Variants in USP50 observed in about 807,000 individuals in gnomAD.
USP50 encodes ubiquitin carboxyl-terminal hydrolase 50.
A neutral mutation model predicts 39.2 loss-of-function variants in USP50; 37 were observed. That is an observed-to-expected ratio of 0.94 (90% CI 0.73 to 1.24). The LOEUF (loss-of-function observed/expected upper bound fraction) is 1.24. Among genes scored for constraint, USP50 ranks in the 50% most tolerant of loss-of-function variants. The pLI is 0.00. For synonymous variants in USP50, 139 were observed against 144.5 expected (o/e 0.96, Z 0.27); for missense variants, 374 against 398.2 (o/e 0.94, Z 0.52).
At chr15:50,496,350 G>A (rs919539763), downstream of USP50, among the ~76,000 whole-genome samples, 1 of 151,936 alleles carries the variant, frequency 6.6e-6, no homozygotes, top group Admixed American at 6.6e-5. Flanking sequence ...GCGTGGTGGT[G>A]GGCACCTGTA....
chr15:50,525,882 TAGA>T (rs1413828850), intron 6 of USP50, among the ~76,000 whole-genome samples: 2 of 151,646 alleles, frequency 1.3e-5, no homozygotes, highest in South Asian at 2.1e-4. Context: ...AAAACAGCTA[TAGA>T]AGAATAAGTT....
chr15:50,493,407 C>T (rs1171376901), downstream of USP50: 4 of 519,074 alleles, frequency 7.7e-6, no homozygotes, highest in Non-Finnish European at 1.5e-5. Flanking sequence ...TAGTACTTAC[C>T]ACTCAGCTCC....
At chr15:50,535,735 G>C (rs991294240) in intron 5 of USP50, among the ~76,000 whole-genome samples, 16 of 152,100 alleles carry the variant, frequency 1.1e-4, no homozygotes, top group Non-Finnish European at 1.3e-4. Context: ...GCAACATAGT[G>C]AGACATCAAC....
chr15:50,516,085 G>A (rs527519317), intron 6 of USP50, among the ~76,000 whole-genome samples: 13 of 152,198 alleles, frequency 8.5e-5, no homozygotes, highest in African/African-American at 3.1e-4. Flanking sequence ...GCTTAAAATA[G>A]CCTGTAGTAA....
At chr15:50,495,097 A>G (rs779505592) in intron 1 of USP50, among the ~76,000 whole-genome samples, 1 of 151,908 alleles carries the variant, frequency 6.6e-6, no homozygotes, top group Non-Finnish European at 1.5e-5. Context: ...GTATGTATAC[A>G]TAAATGACCA....
At chr15:50,498,782 G>C, downstream of USP50, 1 of 1,561,516 alleles carries the variant, frequency 6.4e-7, no homozygotes, top group Non-Finnish European at 8.7e-7. Flanking sequence ...TTTAAAAAAA[G>C]TTTTAAGTGG....
chr15:50,519,917 C>G (rs1039215751), intron 6 of USP50, among the ~76,000 whole-genome samples: 2 of 152,090 alleles, frequency 1.3e-5, no homozygotes. Flanking sequence ...TATGATCCAG[C>G]AATCCACTAC....
At chr15:50,525,411 C>CA (rs1387935358) in intron 6 of USP50, among the ~76,000 whole-genome samples, 1 of 151,312 alleles carries the variant, frequency 6.6e-6, no homozygotes, top group Non-Finnish European at 1.5e-5. Context: ...TGCCTCACCA[C>CA]AAAAAATAAG....
intron 6 of USP50, among the ~76,000 whole-genome samples, chr15:50,521,586 T>G (rs547009913): frequency 6.6e-6 from 1 of 151,884 alleles, no homozygotes; most frequent in East Asian, 1.9e-4. Context: ...AACAACAAAA[T>G]CAATGAAACT....
rs780632867 is a variant in USP50, at chr15:50,544,679, T to A, written c.156A>T (p.Thr52=). Residue 52 remains threonine, a synonymous_variant, in exon 2 of 7, where the codon ACA becomes ACT. Coordinates refer to ENST00000532404, the MANE Select transcript of USP50 (RefSeq NM_203494.5). Reference sequence around the variant, plus strand: ...ACTGTGAGATGGCATTCACGCAGCATGTGTTGCCCAAGTTCCACAAGCCAG... The same window carrying A: ...ACTGTGAGATGGCATTCACGCAGCAAGTGTTGCCCAAGTTCCACAAGCCAG... ...GVTGLWNLGN[T]CCVNAISQCL... 3.1e-6 allele frequency: 5 copies of A among 1,613,802 alleles called. No individual in the cohort carries two copies. The highest frequency in any genetic ancestry group is 4.2e-6 in the Non-Finnish European group (5 of 1,179,882).
chr15:50,521,490 A>G (rs2052850460), intron 6 of USP50, among the ~76,000 whole-genome samples: 1 of 152,250 alleles, frequency 6.6e-6, no homozygotes, highest in Non-Finnish European at 1.5e-5. Flanking sequence ...AAGGCACTAG[A>G]GAAAGAACAG....
At chr15:50,493,068 T>C (rs751899199), downstream of USP50, 12 of 824,476 alleles carry the variant, frequency 1.5e-5, no homozygotes, top group East Asian at 2.2e-4. Flanking sequence ...AGTTCTTGAC[T>C]GGGAAGGCCA....
chr15:50,545,397 T>C (rs1454361570), intron 1 of USP50, among the ~76,000 whole-genome samples: 3 of 151,868 alleles, frequency 2.0e-5, no homozygotes. Context: ...GATGTAGTCA[T>C]TTACTCATGG....
At chr15:50,528,068 T>G (rs960839364) in intron 6 of USP50, among the ~76,000 whole-genome samples, 1 of 28,062 alleles carries the variant, frequency 3.6e-5, no homozygotes, top group Non-Finnish European at 7.9e-5. Flanking sequence ...GAACTAAGTT[T>G]TTTTTTTTTT....
Position 50,541,271 on chromosome 15 carries a change from CA to C in USP50, c.445-8del. 1 of 1,607,864 alleles carries C rather than the reference CA, an allele frequency of 6.2e-7. No individual in the cohort carries two copies. Among genetic ancestry groups the C allele is most frequent in the Non-Finnish European group, 8.5e-7 (1 of 1,175,712 alleles). On this transcript the variant is annotated splice_region_variant and splice_polypyrimidine_tract_variant and intron_variant, in intron 3 of 6. Coordinates refer to ENST00000532404, the MANE Select transcript of USP50 (RefSeq NM_203494.5). ...TTCTCCGGGAGTAGTGGTACTGAAT[CA>C]AGGAGCAAATTTCACCCAAATTAAT...
At chr15:50,506,322 A>G (rs1378168196) in intron 6 of USP50, 2 of 152,402 alleles carry the variant, frequency 1.3e-5, no homozygotes, top group South Asian at 4.1e-4. Context: ...CAGCTGCTGC[A>G]TTAGATTCTC....
At chr15:50,512,793 AAAAC>A (rs147726912) in intron 6 of USP50, 28,048 of 152,034 alleles carry the variant, frequency 0.18, 3,305 homozygotes, top group East Asian at 0.46. Flanking sequence ...CTCTGTCTCA[AAAAC>A]AAACAAAACA....
intron 3 of USP50, among the ~76,000 whole-genome samples, chr15:50,542,481 A>ATTTTTTTTTTTTTTTTTTTTTTTTTT (rs11292495): frequency 2.1e-5 from 2 of 97,396 alleles, no homozygotes; most frequent in Non-Finnish European, 3.9e-5. Flanking sequence ...TTTCCTTTTC[A>ATTTTTTTTTTTTTTTTTTTTTTTTTT]TTTTTTTTTT....
At position 50,543,698 on chromosome 15, in the gene USP50, G is replaced by T. The variant is rs758305433; in HGVS notation, c.344C>A (p.Ala115Asp). 6.2e-7 allele frequency: 1 copy of T among 1,612,690 alleles called. No homozygotes were observed. Among genetic ancestry groups the T allele is most frequent in the Non-Finnish European group, 8.5e-7 (1 of 1,179,284 alleles). ...DCVSPEIFWSALGNLYPAFTK... is the reference protein window; with the variant it reads ...DCVSPEIFWSDLGNLYPAFTK... ...AAATGCTGGGTAGAGGTTGCCAAGAGCTGACCAGAATATTTCTGGTGAGAC... is the reference window on the plus strand; with the variant it reads ...AAATGCTGGGTAGAGGTTGCCAAGATCTGACCAGAATATTTCTGGTGAGAC... Residue 115 changes from alanine to aspartate, a missense_variant, in exon 3 of 7, where the codon GCT (alanine) becomes GAT (aspartate). By Grantham distance (126) the Ala-to-Asp change is moderately radical. Transcript: ENST00000532404.
Sources: gnomAD v4.1 joint callset for allele counts (sites outside exome capture counted in the v4.1 genomes callset) on GRCh38, gnomAD v4.1.1 for gene constraint, MANE v1.5 for transcripts, NCBI Gene and HGNC (gene_info 2026-07-23, HGNC 2026-07-21) for gene names.